Variants in PCNT observed in about 807,000 individuals in gnomAD.
PCNT encodes the protein pericentrin.
Under a neutral mutation model 380.4 loss-of-function variants are expected in PCNT, and 319 were observed. That is an observed-to-expected ratio of 0.84 (90% CI 0.77 to 0.92). PCNT has a LOEUF of 0.92. Among genes scored for constraint, PCNT ranks in the 40% least tolerant of loss-of-function variants. PCNT has a pLI of 0.00. For synonymous variants in PCNT, 1,845 were observed against 1,735.2 expected, an observed-to-expected ratio of 1.06 and a Z score of -1.57; for missense variants, 4,400 against 4,255.3, an observed-to-expected ratio of 1.03 and a Z score of -0.95.
intron 40 of PCNT, among the ~76,000 whole-genome samples, chr21:46,437,493 C>G (rs2053493905): frequency 6.6e-6 from 1 of 152,228 alleles, no homozygotes; most frequent in African/African-American, 2.4e-5. Context: ...CGATGTTCAC[C>G]TCCACCTGGC....
At chr21:46,424,904 T>C (rs1320126160) in intron 32 of PCNT, among the ~76,000 whole-genome samples, 2 of 152,214 alleles carry the variant, frequency 1.3e-5, no homozygotes, top group Non-Finnish European at 2.9e-5. Flanking sequence ...GTGTGCAATT[T>C]GGTTTCACAC....
chr21:46,338,883 G>A (rs60455426), intron 3 of PCNT, among the ~76,000 whole-genome samples: 4 of 151,662 alleles, frequency 2.6e-5, no homozygotes, highest in Non-Finnish European at 1.5e-5. Context: ...CAGGCTCAAG[G>A]GGTTCTCCCG....
chr21:46,431,082 C>T (rs758533808), intron 37 of PCNT: 74 of 985,318 alleles, frequency 7.5e-5, no homozygotes, highest in Non-Finnish European at 8.8e-5. Context: ...TGGGTTATGG[C>T]TTTCAACAGC....
At position 46,437,066 on chromosome 21, in the gene PCNT, G is replaced by A. The variant is rs896784926; in HGVS notation, c.9084G>A (p.Arg3028=). 1 of 1,613,442 alleles carries A rather than the reference G, an allele frequency of 6.2e-7. No individual in the cohort carries two copies. The highest frequency in any genetic ancestry group is 8.5e-7 in the Non-Finnish European group (1 of 1,179,486). Residue 3028 remains arginine (R), a synonymous_variant, in exon 40 of 47, where the codon AGG becomes AGA. Transcript: ENST00000359568. ...AGGAGCTGAAGTCTGACTTGAGCAGGCCCACCTCCTCCCAGGTAAGGGGTG... is the reference window on the plus strand; with the variant it reads ...AGGAGCTGAAGTCTGACTTGAGCAGACCCACCTCCTCCCAGGTAAGGGGTG... ...TLEELKSDLS[R]PTSSQKKMAA... is the part of the protein sequence containing the mutation.
Position 46,425,685 on chromosome 21 carries a change from C to G in PCNT, c.7180-146C>G. The stretch of plus-strand genomic sequence containing the variant: ...TTGTAGCTTGAGAAGTGGGTGCCGC[C>G]TGTACGAAGCCGAGGCGGTGCCCTC... On this transcript the variant is annotated intron_variant, in intron 32 of 46. Transcript: ENST00000359568. The surrounding 1 kb of genome is among the most constrained non-coding windows in gnomAD (Gnocchi z 4.2). 1.8e-6 allele frequency: 2 copies of G among 1,108,808 alleles called. No individual in the cohort carries two copies. The highest frequency in any genetic ancestry group is 2.7e-6 in the Non-Finnish European group (2 of 739,828). The allele number at this position is 1,108,808 out of a possible 1,614,324, so 68.7% of individuals were successfully genotyped here.
Position 46,397,903 on chromosome 21 carries a change from A to G in PCNT, c.4447-111A>G, listed in dbSNP as rs964728126. 4.0e-5 allele frequency: 31 copies of G among 773,892 alleles called. No individual in the cohort carries two copies. In the African/African-American group the frequency reaches 5.3e-4, roughly 13 times the overall value. The allele number at this position is 773,892 out of a possible 1,614,324, so 47.9% of individuals were successfully genotyped here. The stretch of plus-strand genomic sequence containing the variant: ...TGATGAGGGGGGTATTTGGAGTCTG[A>G]GCTGCTGGGCAGTTGCACTTGTACG... On this transcript the variant is annotated intron_variant, in intron 22 of 46. Coordinates refer to ENST00000359568, the MANE Select transcript of PCNT (RefSeq NM_006031.6).
chr21:46,342,387 G>A (rs1328049963), intron 3 of PCNT, among the ~76,000 whole-genome samples: 3 of 152,090 alleles, frequency 2.0e-5, no homozygotes, highest in African/African-American at 7.2e-5. Flanking sequence ...GATTACAGGC[G>A]TGAGCCACTG....
At chr21:46,393,217 C>T (rs1000209661) in intron 21 of PCNT, among the ~76,000 whole-genome samples, 4 of 152,204 alleles carry the variant, frequency 2.6e-5, no homozygotes, top group African/African-American at 9.6e-5. Flanking sequence ...GGAGTCTCTT[C>T]AGGTCCCTTC....
chr21:46,341,995 G>A (rs2083923476), intron 3 of PCNT, among the ~76,000 whole-genome samples: 1 of 149,680 alleles, frequency 6.7e-6, no homozygotes, highest in South Asian at 2.1e-4. Flanking sequence ...AGCCTCGAGT[G>A]TGGTGATGCA....
At chr21:46,352,254 C>G (rs1444527128) in intron 9 of PCNT, among the ~76,000 whole-genome samples, 1 of 152,252 alleles carries the variant, frequency 6.6e-6, no homozygotes, top group Admixed American at 6.5e-5. Flanking sequence ...GGAGAAAGAA[C>G]TGGAGACACT....
Position 46,441,102 on chromosome 21 carries a change from C to T in PCNT, c.9623+18C>T. 6.8e-7 allele frequency: 1 copy of T among 1,478,490 alleles called. No individual in the cohort carries two copies. Among genetic ancestry groups the T allele is most frequent in the Non-Finnish European group, 9.5e-7 (1 of 1,056,152 alleles). The allele number at this position is 1,478,490 out of a possible 1,614,324, so 91.6% of individuals were successfully genotyped here. On this transcript the variant is annotated intron_variant, in intron 43 of 46. Coordinates refer to ENST00000359568, the MANE Select transcript of PCNT (RefSeq NM_006031.6). ...ATATTAAGGTAAATGCCATGACGTT[C>T]AGTCAGTGCGTTCCGCGTCTGTCTC...
At chr21:46,383,157 C>T (rs1335106196) in intron 16 of PCNT, among the ~76,000 whole-genome samples, 7 of 148,030 alleles carry the variant, frequency 4.7e-5, no homozygotes, top group South Asian at 2.2e-4. Flanking sequence ...CATTCAGTGG[C>T]GGAAGCGCAT....
At position 46,442,586 on chromosome 21, in the gene PCNT, C is replaced by G. The variant is rs778766842; in HGVS notation, c.9700+13C>G. On this transcript the variant is annotated intron_variant, in intron 44 of 46. Coordinates refer to ENST00000359568, the MANE Select transcript of PCNT (RefSeq NM_006031.6). ...GCCCCTCGCCCAGGTGGGACTCCAG[C>G]TGCTGTTGACCGCTGGACTCACAAA... 4 of 1,531,806 alleles carry G rather than the reference C, an allele frequency of 2.6e-6. No homozygotes were observed. Among genetic ancestry groups the G allele is most frequent in the Non-Finnish European group, 3.6e-6 (4 of 1,104,874 alleles). The allele number at this position is 1,531,806 out of a possible 1,614,324, so 94.9% of individuals were successfully genotyped here.
chr21:46,431,021 G>A (rs1480211192), intron 37 of PCNT: 28 of 985,342 alleles, frequency 2.8e-5, no homozygotes, highest in African/African-American at 3.5e-5. Flanking sequence ...TTTGCATGGC[G>A]GAGGCCCAGC....
chr21:46,356,472 TC>T (rs1435383933), intron 12 of PCNT, among the ~76,000 whole-genome samples: 1 of 152,232 alleles, frequency 6.6e-6, no homozygotes, highest in Non-Finnish European at 1.5e-5. Flanking sequence ...TCTGCTTTTT[TC>T]CTCTTCTGCA....
In PCNT at chr21:46,443,955, G is replaced by A. The variant is rs1023645417; in HGVS notation, c.9839+7G>A. ...CCCCACACAGTGGGGGAAGGTCAGT[G>A]TGATGCCTTCAGGCCCCGTCTCCTG... On this transcript the variant is annotated splice_region_variant and intron_variant, in intron 45 of 46. Transcript: ENST00000359568. The A allele has an allele frequency of 1.2e-6, 2 of 1,611,450 alleles. No homozygotes were observed. Among genetic ancestry groups the A allele is most frequent in the African/African-American group, 1.3e-5 (1 of 74,848 alleles).
chr21:46,353,869 C>A, intron 10 of PCNT, 118 bp from the exon 11 acceptor site: 1 of 865,514 alleles, frequency 1.2e-6, no homozygotes, highest in Non-Finnish European at 1.9e-6. Flanking sequence ...ATTGCCCGTC[C>A]TTGACTGGAA....
intron 21 of PCNT, among the ~76,000 whole-genome samples, chr21:46,394,924 G>T (rs929794012): frequency 6.6e-6 from 1 of 152,212 alleles, no homozygotes; most frequent in Admixed American, 6.5e-5. Context: ...TGCGATCCTC[G>T]TGTGCCTCCC....
At chr21:46,346,613 G>C (rs1394427891) in intron 4 of PCNT, 130 bp from the exon 5 acceptor site, 2 of 1,202,924 alleles carry the variant, frequency 1.7e-6, no homozygotes, top group Non-Finnish European at 2.4e-6. Flanking sequence ...TCCTGCCCCT[G>C]CTTCCACGGG....
Sources: allele counts gnomAD v4.1 joint callset (sites outside exome capture counted in the v4.1 genomes callset), GRCh38; gene constraint gnomAD v4.1.1; non-coding constraint Gnocchi (gnomAD v3.1); transcripts MANE v1.5; gene names NCBI Gene and HGNC (gene_info 2026-07-23, HGNC 2026-07-21).